ELMO1: variants seen among roughly 807,000 people sequenced by gnomAD.
ELMO1 encodes engulfment and cell motility protein 1.
ELMO1 carries 26 observed loss-of-function variants against 98.9 expected under a neutral mutation model. The ratio of observed to expected loss-of-function variants is 0.26; its 90% CI spans 0.19 to 0.36. The LOEUF (loss-of-function observed/expected upper bound fraction) is 0.36. Ranked by LOEUF, ELMO1 falls within the 10% of genes least tolerant of loss-of-function variation. The pLI is 1.00. For synonymous variants in ELMO1, 346 were observed against 346.0 expected, an observed-to-expected ratio of 1.00 and a Z score of 0.00; for missense variants, 627 against 935.2, an observed-to-expected ratio of 0.67 and a Z score of 4.30.
chr7:37,370,777 G>C (rs945132425), intron 1 of ELMO1, among the ~76,000 whole-genome samples: 1 of 152,198 alleles, frequency 6.6e-6, no homozygotes, highest in Non-Finnish European at 1.5e-5. Context: ...GTTTTGGCAA[G>C]TATGTGGAGC....
At chr7:37,329,361 A>T (rs1171978290) in intron 2 of ELMO1, among the ~76,000 whole-genome samples, 2 of 152,222 alleles carry the variant, frequency 1.3e-5, no homozygotes, top group Non-Finnish European at 2.9e-5. Context: ...AAATCAGAGT[A>T]ATTAGCATAC....
At chr7:37,423,658 TA>T (rs1444704261) in intron 1 of ELMO1, among the ~76,000 whole-genome samples, 1 of 152,172 alleles carries the variant, frequency 6.6e-6, no homozygotes. Context: ...CATTGATTCT[TA>T]TTTTTTTTAT....
In ELMO1 at chr7:37,188,495, A is replaced by AT. The variant is rs1554438141; in HGVS notation, c.1086+22890_1086+22891insA. 1.1e-3 allele frequency among the ~76,000 whole-genome samples: 74 copies of AT among 65,620 alleles called. 3 individuals are homozygous for AT. Among genetic ancestry groups the AT allele is most frequent in the Middle Eastern group, 6.3e-3 (1 of 158 alleles). The allele number at this position is 65,620 out of a possible 152,430, so 43.0% of individuals were successfully genotyped here. ...AGGCCACTGGAGAAAGGTAAAAAAA[A>AT]AAAAAAAATAATAATAATAATAATA... On this transcript the variant is annotated intron_variant, in intron 13 of 21. Transcript: ENST00000310758.
intron 18 of ELMO1, among the ~76,000 whole-genome samples, chr7:36,885,867 G>C (rs1026740695): frequency 6.6e-6 from 1 of 152,178 alleles, no homozygotes; most frequent in African/African-American, 2.4e-5. Flanking sequence ...AACAGCAGTA[G>C]CTCCCTTGTT....
At chr7:37,072,173 C>G (rs1159319066) in intron 15 of ELMO1, among the ~76,000 whole-genome samples, 1 of 152,170 alleles carries the variant, frequency 6.6e-6, no homozygotes, top group Non-Finnish European at 1.5e-5. Context: ...AGGGTCTCCT[C>G]TGAAAATTGG....
chr7:37,211,553 G>T, intron 12 of ELMO1, 36 bp from the exon 13 acceptor site: 1 of 1,605,496 alleles, frequency 6.2e-7, no homozygotes, highest in Non-Finnish European at 8.5e-7. Flanking sequence ...AAAGGGAGGG[G>T]AAAAAGCTGC....
chr7:37,355,361 G>C (rs186960329), intron 1 of ELMO1, among the ~76,000 whole-genome samples: 1 of 152,352 alleles, frequency 6.6e-6, no homozygotes, highest in East Asian at 1.9e-4. Flanking sequence ...ACATGGGGTA[G>C]CTGGATAAAT....
chr7:37,444,757 A>C (rs909528860), intron 1 of ELMO1, among the ~76,000 whole-genome samples: 1 of 151,858 alleles, frequency 6.6e-6, no homozygotes. Context: ...CTCGCAATCC[A>C]CCCGCCTCGG....
Position 36,985,339 on chromosome 7 carries a change from A to G in ELMO1, c.1437+27960T>C, listed in dbSNP as rs550627265. ...CACTTTATCTTTGCAATTAATTAAA[A>G]AACATATTTCAATTTGGAGACAGGT... On this transcript the variant is annotated intron_variant, in intron 16 of 21. Transcript: ENST00000310758. Among the ~76,000 whole-genome samples, 9 of 152,250 alleles carry G rather than the reference A, an allele frequency of 5.9e-5. No individual in the cohort carries two copies. The South Asian group carries it at 1.9e-3, about 32-fold the overall frequency.
chr7:36,988,651 T>C (rs1791670510), intron 16 of ELMO1, among the ~76,000 whole-genome samples: 1 of 152,164 alleles, frequency 6.6e-6, no homozygotes, highest in Middle Eastern at 3.2e-3. Context: ...AGCCATGATC[T>C]AAAGGAAGAG....
At chr7:37,099,679 TAC>T (rs1234000951) in intron 14 of ELMO1, among the ~76,000 whole-genome samples, 1 of 152,226 alleles carries the variant, frequency 6.6e-6, no homozygotes, top group South Asian at 2.1e-4. Flanking sequence ...CTTCATCGTT[TAC>T]AGAGTATATT....
intron 13 of ELMO1, among the ~76,000 whole-genome samples, chr7:37,194,130 A>G (rs887251569): frequency 6.6e-6 from 1 of 152,134 alleles, no homozygotes; most frequent in African/African-American, 2.4e-5. Flanking sequence ...ATAGTTTCCC[A>G]GCTCCCCTTT....
At chr7:37,320,802 C>T (rs900692788) in intron 2 of ELMO1, among the ~76,000 whole-genome samples, 1 of 152,106 alleles carries the variant, frequency 6.6e-6, no homozygotes, top group Non-Finnish European at 1.5e-5. Context: ...TATACATTCA[C>T]GAACTTTCCT....
At chr7:37,005,327 C>T in intron 16 of ELMO1, among the ~76,000 whole-genome samples, 1 of 151,876 alleles carries the variant, frequency 6.6e-6, no homozygotes. Flanking sequence ...CTAAGGTCTT[C>T]TCTATGTTCT....
At chr7:36,909,294 G>C (rs1215269268) in intron 16 of ELMO1, among the ~76,000 whole-genome samples, 1 of 152,194 alleles carries the variant, frequency 6.6e-6, no homozygotes, top group Non-Finnish European at 1.5e-5. Flanking sequence ...TCCACCAAGA[G>C]AATTTTACTT....
intron 4 of ELMO1, among the ~76,000 whole-genome samples, chr7:37,292,202 G>A (rs1206968522): frequency 1.8e-5 from 2 of 113,060 alleles, no homozygotes; most frequent in Non-Finnish European, 4.3e-5. Context: ...CGCCAGCCTC[G>A]GCCTCCCGAG....
chr7:37,175,662 A>G (rs999151409), intron 13 of ELMO1, among the ~76,000 whole-genome samples: 1 of 152,198 alleles, frequency 6.6e-6, no homozygotes, highest in Non-Finnish European at 1.5e-5. Flanking sequence ...CCTGGGAAAC[A>G]TGGTGAAACC....
chr7:37,002,470 T>C (rs1337934452), intron 16 of ELMO1, among the ~76,000 whole-genome samples: 1 of 152,124 alleles, frequency 6.6e-6, no homozygotes, highest in Non-Finnish European at 1.5e-5. Context: ...GAGGCAATGA[T>C]GAAAAGGTAA....
Position 36,927,100 on chromosome 7 carries a change from A to G in ELMO1, c.1438-32083T>C, listed in dbSNP as rs532559396. 2.0e-5 allele frequency among the ~76,000 whole-genome samples: 3 copies of G among 152,320 alleles called. No homozygotes were observed. The East Asian group carries it at 5.8e-4, about 29-fold the overall frequency. The stretch of plus-strand genomic sequence containing the variant: ...TTAGGAACATTTTAAAATGCTTTAT[A>G]TGGTTTCATTCATTGAATTGTCTCA... On this transcript the variant is annotated intron_variant, in intron 16 of 21. Coordinates refer to ENST00000310758, the MANE Select transcript of ELMO1 (RefSeq NM_014800.11).
Sources: allele counts gnomAD v4.1 joint callset (sites outside exome capture counted in the v4.1 genomes callset), GRCh38; gene constraint gnomAD v4.1.1; transcripts MANE v1.5; gene names NCBI Gene and HGNC (gene_info 2026-07-23, HGNC 2026-07-21).